Variants in CELSR2 observed in about 807,000 individuals in gnomAD.
The protein encoded by CELSR2 is EGF-like protein 2.
In CELSR2, 81 loss-of-function variants were observed where a neutral mutation model predicts 251.6. That is an observed-to-expected ratio of 0.32 (90% confidence interval 0.27 to 0.39). The LOEUF (loss-of-function observed/expected upper bound fraction) is 0.39. Among genes scored for constraint, CELSR2 ranks in the 10% least tolerant of loss-of-function variants. CELSR2 has a pLI of 1.00. For missense variants in CELSR2, 3,365 were observed against 3,947.7 expected, an observed-to-expected ratio of 0.85 and a Z score of 3.96; for synonymous variants, 1,721 against 1,670.5, an observed-to-expected ratio of 1.03 and a Z score of -0.74.
In CELSR2 at chr1:109,259,645, A is replaced by T. The variant is rs569500959; in HGVS notation, c.3958+566A>T. On this transcript the variant is annotated intron_variant, in intron 2 of 33. Coordinates refer to ENST00000271332, the MANE Select transcript of CELSR2 (RefSeq NM_001408.3). Reference sequence around the variant, plus strand: ...GCGAGTTCCTTTTCTGAGCTGCAGCAAGTACTTTTCTCCCCAGGCATTAAG... The same window carrying T: ...GCGAGTTCCTTTTCTGAGCTGCAGCTAGTACTTTTCTCCCCAGGCATTAAG... Among the ~76,000 whole-genome samples, 16 of 152,242 alleles carry T rather than the reference A, an allele frequency of 1.1e-4. No homozygotes were observed. In the East Asian group the frequency reaches 3.1e-3, roughly 29 times the overall value.
At position 109,251,141 on chromosome 1, in the gene CELSR2, T is replaced by C; in HGVS notation, c.1062T>C (p.Pro354=). The C allele has an allele frequency of 1.9e-6, 3 of 1,613,222 alleles. No homozygotes were observed. The highest frequency in any genetic ancestry group is 2.5e-6 in the Non-Finnish European group (3 of 1,179,960). ...CTGGGGTGATCCGAACCCGTGGCCC[T>C]GTGGATCGGGAAGAGGTGGAATCCT... ...PRSGVIRTRG[P]VDREEVESYQ... Residue 354 remains proline, a synonymous_variant, in exon 1 of 34, where the codon CCT becomes CCC. Transcript: ENST00000271332. This position sits in a 1 kb window ranked among gnomAD's most constrained non-coding sequence, Gnocchi z 4.9.
In CELSR2 at chr1:109,263,021, G is replaced by C. The variant is rs566086879; in HGVS notation, c.4708+52G>C. The C allele has an allele frequency of 2.4e-5, 39 of 1,596,752 alleles. No homozygotes were observed. The African/African-American group carries it at 4.8e-4, about 20-fold the overall frequency. ...CTGGGATCCCAGTGCTGAGAGGAGG[G>C]GCTGTGCCTGGTGTGAGGATGCCAG... On this transcript the variant is annotated intron_variant, in intron 7 of 33. Transcript: ENST00000271332.
At position 109,265,264 on chromosome 1, in the gene CELSR2, G is replaced by A. The variant is rs1487698448; in HGVS notation, c.5680G>A (p.Gly1894Ser). 3.7e-6 allele frequency: 6 copies of A among 1,613,048 alleles called. No individual in the cohort carries two copies. The highest frequency in any genetic ancestry group is 4.2e-6 in the Non-Finnish European group (5 of 1,179,380). ...CGPCNCDVSK[G>S]FDPDCNKTSG... ...CCCATGCAACTGTGATGTCAGCAAA[G>A]GCTTTGACCCAGACTGCAACAAGAC... The change falls in exon 13 of 34, where the codon GGC becomes AGC. Residue 1894 changes from glycine (G) to serine (S), a missense_variant. Coordinates refer to ENST00000271332, the MANE Select transcript of CELSR2 (RefSeq NM_001408.3).
rs1010137258 is a variant in CELSR2, at chr1:109,274,887, CAT to C, written c.*839_*840del. 13 of 152,954 alleles carry C rather than the reference CAT, an allele frequency of 8.5e-5. No individual in the cohort carries two copies. The highest frequency in any genetic ancestry group is 2.6e-4 in the Admixed American group (4 of 15,310). The allele number at this position is 152,954 out of a possible 1,614,324, so 9.5% of individuals were successfully genotyped here. A position where few individuals can be genotyped will look rare whatever the true frequency, so the allele number is the denominator to read the frequency against. On this transcript the variant is annotated 3_prime_UTR_variant, in exon 34 of 34. Coordinates refer to ENST00000271332, the MANE Select transcript of CELSR2 (RefSeq NM_001408.3). ...CGCCCCGCGCCCCGGGCAGGCCAGT[CAT>C]GTGTTAAGTTGCGCTTCTTTGCTGT...
rs1402066622 is a variant in CELSR2 at position 109,273,251 on chromosome 1, G to A, written c.8424G>A (p.Glu2808=). 1 of 1,612,602 alleles carries A rather than the reference G, an allele frequency of 6.2e-7. No individual in the cohort carries two copies. Among genetic ancestry groups the A allele is most frequent in the South Asian group, 1.1e-5 (1 of 90,904 alleles). Residue 2808 remains glutamate, a synonymous_variant, in exon 32 of 34, where the codon GAG becomes GAA. Coordinates refer to ENST00000271332, the MANE Select transcript of CELSR2 (RefSeq NM_001408.3). ...AKESSGNGAP[E]ERLRENGDAL... is the part of the protein sequence containing the mutation. Reference sequence around the variant, plus strand: ...AGAGTAGTGGCAACGGGGCCCCTGAGGAGCGGCTGCGGGAGAATGGAGATG... The same window carrying A: ...AGAGTAGTGGCAACGGGGCCCCTGAAGAGCGGCTGCGGGAGAATGGAGATG...
chr1:109,251,255 C>A lies in CELSR2; in HGVS notation c.1176C>A (p.Asp392Glu). 1 of 1,614,106 alleles carries A rather than the reference C, an allele frequency of 6.2e-7. No individual in the cohort carries two copies. The highest frequency in any genetic ancestry group is 8.5e-7 in the Non-Finnish European group (1 of 1,180,024). ...TAAVFLSVED[D>E]NDNAPQFSEK... The stretch of plus-strand genomic sequence containing the variant: ...CTGTTTTCCTTTCTGTGGAGGATGA[C>A]AATGATAATGCCCCCCAGTTTAGTG... The change falls in exon 1 of 34, where the codon GAC becomes GAA. Residue 392 changes from aspartate (D) to glutamate (E), a missense_variant. Physicochemically the swap from Asp to Glu is conservative, Grantham distance 45. This residue lies in a region of CELSR2 where 704 missense variants were observed against 784.1 expected (regional missense o/e 0.90). Transcript: ENST00000271332. This position sits in a 1 kb window ranked among gnomAD's most constrained non-coding sequence, Gnocchi z 4.9.
In CELSR2 at chr1:109,269,771, G is replaced by A. The variant is rs993955236; in HGVS notation, c.7058G>A (p.Cys2353Tyr). ...AATGAGAGCCACGTCAGCTGCCAGT[G>A]CAACCACATGACGAGCTTCGCTGTG... ...FRNESHVSCQ[C>Y]NHMTSFAVLM... The change falls in exon 22 of 34, where the codon TGC becomes TAC. Residue 2353 changes from cysteine (C) to tyrosine (Y), a missense_variant. Coordinates refer to ENST00000271332, the MANE Select transcript of CELSR2 (RefSeq NM_001408.3). This position sits in a 1 kb window ranked among gnomAD's most constrained non-coding sequence, Gnocchi z 6.4. 3.0e-5 allele frequency: 49 copies of A among 1,613,608 alleles called. No individual in the cohort carries two copies. Among genetic ancestry groups the A allele is most frequent in the Non-Finnish European group, 4.0e-5 (47 of 1,180,026 alleles).
Position 109,252,035 on chromosome 1 carries a change from T to A in CELSR2, c.1956T>A (p.Thr652=), listed in dbSNP as rs542246449. The A allele has an allele frequency of 6.2e-7, 1 of 1,614,034 alleles. No individual in the cohort carries two copies. The highest frequency in any genetic ancestry group is 1.7e-5 in the Admixed American group (1 of 60,022). The part of the protein sequence containing the change: ...VITYQITSGN[T]RNRFSITSQS... ...CCTACCAGATCACCAGTGGCAATAC[T>A]CGAAACCGCTTCTCCATCACCAGCC... Residue 652 remains threonine (T), a synonymous_variant, in exon 1 of 34, where the codon ACT becomes ACA. Coordinates refer to ENST00000271332, the MANE Select transcript of CELSR2 (RefSeq NM_001408.3). This position sits in a 1 kb window ranked among gnomAD's most constrained non-coding sequence, Gnocchi z 4.8.
Position 109,253,106 on chromosome 1 carries a change from C to G in CELSR2, c.3027C>G (p.Val1009=). The change falls in exon 1 of 34, where the codon GTC becomes GTG. Residue 1009 remains valine (V), a synonymous_variant. Coordinates refer to ENST00000271332, the MANE Select transcript of CELSR2 (RefSeq NM_001408.3). ...CTCCTCTGGTGAGCCGGGCTACAGT[C>G]CACGTCCGCCTCCTTGACCGCAATG... is the stretch of plus-strand genomic sequence containing the variant. ...TSAPLVSRAT[V]HVRLLDRNDN... 3.1e-6 allele frequency: 5 copies of G among 1,613,832 alleles called. No individual in the cohort carries two copies. The highest frequency in any genetic ancestry group is 3.3e-4 in the Middle Eastern group (2 of 6,062).
chr1:109,252,757 C>T lies in CELSR2; in HGVS notation c.2678C>T (p.Ala893Val). The change falls in exon 1 of 34, where the codon GCA becomes GTA. Residue 893 changes from alanine to valine, a missense_variant. Ala to Val is a moderately conservative substitution (Grantham distance 64). Transcript: ENST00000271332. The surrounding 1 kb of genome is among the most constrained non-coding windows in gnomAD (Gnocchi z 4.8). ...GCCCAGTATGTCTTGCGGGCATATG[C>T]AGTGGACAAGGGGATGCCCCCAGCC... The part of the protein sequence containing the change: ...NVAQYVLRAY[A>V]VDKGMPPART... The T allele has an allele frequency of 5.6e-6, 9 of 1,614,032 alleles. No homozygotes were observed. Among genetic ancestry groups the T allele is most frequent in the Non-Finnish European group, 7.6e-6 (9 of 1,180,020 alleles).
In CELSR2 at chr1:109,258,838, C is replaced by G; in HGVS notation, c.3717C>G (p.Asn1239Lys). Residue 1239 changes from asparagine (N) to lysine (K), a missense_variant, in exon 2 of 34, where the codon AAC becomes AAG. Physicochemically the swap from Asn to Lys is moderately conservative, Grantham distance 94. This residue lies in a region of CELSR2 where 2,093 missense variants were observed against 2,382.8 expected (regional missense o/e 0.88). Coordinates refer to ENST00000271332, the MANE Select transcript of CELSR2 (RefSeq NM_001408.3). ...DNICLREPCE[N>K]YMRCVSVLRF... ...TCTGCCTGCGGGAGCCCTGCGAGAA[C>G]TACATGCGCTGCGTGTCGGTGCTGC... 1 of 1,612,516 alleles carries G rather than the reference C, an allele frequency of 6.2e-7. No homozygotes were observed. The highest frequency in any genetic ancestry group is 8.5e-7 in the Non-Finnish European group (1 of 1,179,406).
In CELSR2 at chr1:109,253,004, C is replaced by G. The variant is rs757852154; in HGVS notation, c.2925C>G (p.Ser975=). The part of the protein sequence containing the change: ...IPEVFQLDIF[S]GELTALVDLD... ...AGGTCTTTCAGCTGGACATCTTCTC[C>G]GGGGAGCTGACAGCCCTGGTAGACT... The change falls in exon 1 of 34, where the codon TCC becomes TCG. Residue 975 remains serine (S), a synonymous_variant. Coordinates refer to ENST00000271332, the MANE Select transcript of CELSR2 (RefSeq NM_001408.3). The G allele has an allele frequency of 6.2e-6, 10 of 1,612,526 alleles. No individual in the cohort carries two copies. The East Asian group carries it at 1.8e-4, about 29-fold the overall frequency.
chr1:109,269,173 G>T lies in CELSR2; in HGVS notation c.6695G>T (p.Arg2232Leu), dbSNP rs745988394. 4 of 1,612,106 alleles carry T rather than the reference G, an allele frequency of 2.5e-6. No homozygotes were observed. Among genetic ancestry groups the T allele is most frequent in the Non-Finnish European group, 3.4e-6 (4 of 1,179,454 alleles). The change falls in exon 20 of 34, where the codon CGG becomes CTG. Residue 2232 changes from arginine to leucine, a missense_variant. Arg to Leu is a moderately radical substitution (Grantham distance 102, BLOSUM62 -2). This residue lies in a region of CELSR2 where 2,093 missense variants were observed against 2,382.8 expected (regional missense o/e 0.88). Transcript: ENST00000271332. This position sits in a 1 kb window ranked among gnomAD's most constrained non-coding sequence, Gnocchi z 6.4. Reference sequence around the variant, plus strand: ...GCCCAGGAGCCAGAGGAGCTGGCACGGCGACAGCGACGGCACCCGGAGCTG... The same window carrying T: ...GCCCAGGAGCCAGAGGAGCTGGCACTGCGACAGCGACGGCACCCGGAGCTG... The part of the protein sequence containing the change: ...GEAQEPEELA[R>L]RQRRHPELSQ...
In CELSR2 at chr1:109,267,533, G is replaced by A. The variant is rs774754206; in HGVS notation, c.6014-15G>A. The A allele has an allele frequency of 3.1e-6, 5 of 1,611,624 alleles. No homozygotes were observed. In the East Asian group the frequency reaches 1.1e-4, roughly 36 times the overall value. On this transcript the variant is annotated splice_polypyrimidine_tract_variant and intron_variant, in intron 15 of 33. Coordinates refer to ENST00000271332, the MANE Select transcript of CELSR2 (RefSeq NM_001408.3). ...TGTCTCCCTGAGGCCGGCCCTTTTG[G>A]CTTCCTTCCCCCAGGGACTGCTGTG... is the stretch of plus-strand genomic sequence containing the variant.
chr1:109,260,936 A>G, intron 2 of CELSR2, 106 bp from the exon 3 acceptor site: 1 of 797,346 alleles, frequency 1.3e-6, no homozygotes, highest in South Asian at 1.7e-5. Flanking sequence ...GGGGAGTATT[A>G]CGAGGGTCAC....
chr1:109,264,893 T>C lies in CELSR2; in HGVS notation c.5490T>C (p.Asn1830=). 1 of 1,614,184 alleles carries C rather than the reference T, an allele frequency of 6.2e-7. No individual in the cohort carries two copies. ...GTTACTATGGTGACAACTGTACTAA[T>C]GTGTGTGACCTGAACCCGTGTGAGC... The part of the protein sequence containing the change: ...DPGYYGDNCT[N]VCDLNPCEHQ... The change falls in exon 12 of 34, where the codon AAT becomes AAC. Residue 1830 remains asparagine (N), a synonymous_variant. Transcript: ENST00000271332.
At chr1:109,263,977 G>T in intron 9 of CELSR2, 101 bp from the exon 10 acceptor site, 1 of 1,459,978 alleles carries the variant, frequency 6.8e-7, no homozygotes. Flanking sequence ...GCCTCAGCTG[G>T]GCAGCGGGAT....
chr1:109,250,153 T>C lies in CELSR2; in HGVS notation c.74T>C (p.Leu25Pro), dbSNP rs1473462904. 2 of 1,597,762 alleles carry C rather than the reference T, an allele frequency of 1.3e-6. No individual in the cohort carries two copies. Among genetic ancestry groups the C allele is most frequent in the East Asian group, 2.3e-5 (1 of 43,628 alleles). ...PPLLLLLLLL[L>P]PPPLLGDQVG... Reference sequence around the variant, plus strand: ...CTGCTGCTGCTGTTGCTGCTGCTGCTGCCGCCGCCACTATTGGGAGACCAA... The same window carrying C: ...CTGCTGCTGCTGTTGCTGCTGCTGCCGCCGCCGCCACTATTGGGAGACCAA... Residue 25 changes from leucine (L) to proline (P), a missense_variant, in exon 1 of 34, where the codon CTG becomes CCG. By Grantham distance (98) the Leu-to-Pro change is moderately conservative. Coordinates refer to ENST00000271332, the MANE Select transcript of CELSR2 (RefSeq NM_001408.3). The surrounding 1 kb of genome is among the most constrained non-coding windows in gnomAD (Gnocchi z 4.4).
Position 109,262,924 on chromosome 1 carries a change from C to G in CELSR2, c.4663C>G (p.His1555Asp). ...GCGGAACCTGCAGGTGGACAGCCGGCACATAGACATGGCTGACTTCATTGC... is the reference window on the plus strand; with the variant it reads ...GCGGAACCTGCAGGTGGACAGCCGGGACATAGACATGGCTGACTTCATTGC... ...CMRNLQVDSR[H>D]IDMADFIANN... is the part of the protein sequence containing the mutation. Residue 1555 changes from histidine (H) to aspartate (D), a missense_variant, in exon 7 of 34, where the codon CAC becomes GAC. His to Asp is a moderately conservative substitution (Grantham distance 81, BLOSUM62 -1). Coordinates refer to ENST00000271332, the MANE Select transcript of CELSR2 (RefSeq NM_001408.3). 6.2e-7 allele frequency: 1 copy of G among 1,613,860 alleles called. No individual in the cohort carries two copies. Among genetic ancestry groups the G allele is most frequent in the African/African-American group, 1.3e-5 (1 of 75,068 alleles).
Sources: allele counts gnomAD v4.1 joint callset (sites outside exome capture counted in the v4.1 genomes callset), GRCh38; gene constraint gnomAD v4.1.1; regional missense constraint gnomAD v4.1.1; non-coding constraint Gnocchi (gnomAD v3.1); transcripts MANE v1.5; gene names NCBI Gene and HGNC (gene_info 2026-07-23, HGNC 2026-07-21).